The following PCDH19 variants were observed in gnomAD, a reference collection of about 807,000 sequenced individuals.
The protein encoded by PCDH19 is protocadherin 19, also known as protocadherin-19.
In PCDH19, 6 loss-of-function variants were observed where a neutral mutation model predicts 46.2. The ratio of observed to expected loss-of-function variants is 0.13; its 90% CI spans 0.07 to 0.26. The LOEUF is 0.26. PCDH19 is among the 10% of genes least tolerant of loss of function. PCDH19 has a pLI of 1.00. For synonymous variants in PCDH19, 481 were observed against 415.7 expected, an observed-to-expected ratio of 1.16 and a Z score of -1.91; for missense variants, 740 against 972.3, an observed-to-expected ratio of 0.76 and a Z score of 3.18.
intron 3 of PCDH19, among the ~76,000 whole-genome samples, chrX:100,369,826 A>T (rs1446058697): frequency 8.9e-6 from 1 of 112,232 alleles, no homozygotes; most frequent in Non-Finnish European, 1.9e-5. Context: ...ATCATTATCC[A>T]GATGTAGTCT....
chrX:100,303,316 A>C (rs1398059995), intron 5 of PCDH19, among the ~76,000 whole-genome samples: 2 of 110,944 alleles, frequency 1.8e-5, no homozygotes, highest in Non-Finnish European at 3.8e-5. Context: ...AAAGGAAGGA[A>C]GGAAAAAAGG....
At chrX:100,359,673 A>C (rs1425785574) in intron 3 of PCDH19, among the ~76,000 whole-genome samples, 1 of 111,890 alleles carries the variant, frequency 8.9e-6, no homozygotes, top group Non-Finnish European at 1.9e-5. Flanking sequence ...GGATCGCTTA[A>C]GGCCAGGAGT....
At chrX:100,381,200 A>T (rs950631070) in intron 3 of PCDH19, among the ~76,000 whole-genome samples, 1 of 112,209 alleles carries the variant, frequency 8.9e-6, no homozygotes, top group Non-Finnish European at 1.9e-5. Context: ...GTGACTAAAC[A>T]TGTAATATTA....
chrX:100,356,155 G>A (rs1167010377), intron 3 of PCDH19, among the ~76,000 whole-genome samples: 5 of 110,791 alleles, frequency 4.5e-5, no homozygotes, highest in Non-Finnish European at 7.5e-5. Flanking sequence ...GAAAATGAAC[G>A]AACTTTTAAG....
intron 3 of PCDH19, among the ~76,000 whole-genome samples, chrX:100,373,159 C>T (rs1274793647): frequency 8.9e-6 from 1 of 112,364 alleles, no homozygotes; most frequent in Non-Finnish European, 1.9e-5. Context: ...CAGGCGCGTG[C>T]CACCACGCCC....
chrX:100,407,245 C>A lies in PCDH19; in HGVS notation c.1353G>T (p.Pro451=), dbSNP rs373795773. The change falls in exon 1 of 6, where the codon CCG becomes CCT. Residue 451 remains proline, a synonymous_variant. Coordinates refer to ENST00000373034, the MANE Select transcript of PCDH19 (RefSeq NM_001184880.2). Reference sequence around the variant, plus strand: ...CCTGGTAGTAGGGCTTGGAAAAGTGCGGGTGGTTGTCATTTTCGTCAGTGA... The same window carrying A: ...CCTGGTAGTAGGGCTTGGAAAAGTGAGGGTGGTTGTCATTTTCGTCAGTGA... ...VLITDENDNH[P]HFSKPYYQVI... is the part of the protein sequence containing the mutation. The A allele has an allele frequency of 8.3e-7, 1 of 1,211,717 alleles. No individual in the cohort carries two copies. The highest frequency in any genetic ancestry group is 1.1e-6 in the Non-Finnish European group (1 of 895,532).
At chrX:100,310,045 C>T (rs1300293168) in intron 5 of PCDH19, among the ~76,000 whole-genome samples, 1 of 112,026 alleles carries the variant, frequency 8.9e-6, no homozygotes, top group Non-Finnish European at 1.9e-5. Flanking sequence ...ACTCCCAGTG[C>T]AACATGAAAA....
rs1928523265 is a variant in PCDH19, at chrX:100,409,436, C to T, written c.-839G>A. On this transcript the variant is annotated 5_prime_UTR_variant, in exon 1 of 6. Transcript: ENST00000373034. ...GATCCGAGGTGGGAGCGGAGTTCCC[C>T]CCACAGAGCAGTTGAGGGTCTGCGG... 1 of 113,918 alleles carries T rather than the reference C, an allele frequency of 8.8e-6. No homozygotes were observed. Among genetic ancestry groups the T allele is most frequent in the African/African-American group, 3.2e-5 (1 of 30,920 alleles). 9.4% of individuals were successfully genotyped at this position (113,918 alleles called of 1,213,427 possible). A position where few individuals can be genotyped will look rare whatever the true frequency, so the allele number is the denominator to read the frequency against.
chrX:100,337,414 C>A (rs1273285678), intron 5 of PCDH19, among the ~76,000 whole-genome samples: 1 of 112,311 alleles, frequency 8.9e-6, no homozygotes, highest in Non-Finnish European at 1.9e-5. Flanking sequence ...GTAGAAAGCA[C>A]AGGATAAAGA....
intron 5 of PCDH19, among the ~76,000 whole-genome samples, chrX:100,325,519 G>A (rs1039265021): frequency 8.2e-5 from 9 of 110,258 alleles, no homozygotes; most frequent in East Asian, 5.8e-4. Flanking sequence ...ACAGGCATGC[G>A]CCACCAATCC....
At chrX:100,303,922 C>T (rs766876920) in intron 5 of PCDH19, among the ~76,000 whole-genome samples, 2 of 112,500 alleles carry the variant, frequency 1.8e-5, no homozygotes, top group African/African-American at 6.4e-5. Context: ...GTGGTGTTAC[C>T]TGACAGATGC....
chrX:100,322,444 C>A (rs1440120945), intron 5 of PCDH19, among the ~76,000 whole-genome samples: 1 of 111,216 alleles, frequency 9.0e-6, no homozygotes, highest in Admixed American at 9.5e-5. Flanking sequence ...ATTTTTATAC[C>A]AGTACCATGA....
intron 4 of PCDH19, among the ~76,000 whole-genome samples, chrX:100,348,233 T>C (rs1003988989): frequency 9.0e-6 from 1 of 111,531 alleles, no homozygotes; most frequent in African/African-American, 3.3e-5. Flanking sequence ...TGCATGTAAA[T>C]GGATCTTCAA....
intron 3 of PCDH19, among the ~76,000 whole-genome samples, chrX:100,399,129 G>A (rs1390134787): frequency 8.9e-6 from 1 of 111,872 alleles, no homozygotes; most frequent in African/African-American, 3.2e-5. Context: ...ATGAACAAAT[G>A]AAAGAATGGT....
Position 100,408,532 on chromosome X carries a change from G to A in PCDH19, c.66C>T (p.Leu22=), listed in dbSNP as rs779084190. 4 of 1,198,468 alleles carry A rather than the reference G, an allele frequency of 3.3e-6. No individual in the cohort carries two copies. The Admixed American group carries it at 6.6e-5, about 20-fold the overall frequency. ...CTTCTACCGAGTACTTGAGATTAAT[G>A]AGGGCGGCAGCCTGCGTCCACAGTA... ...LAILWTQAAA[L]INLKYSVEEE... The change falls in exon 1 of 6, where the codon CTC becomes CTT. Residue 22 remains leucine (L), a synonymous_variant. Transcript: ENST00000373034.
At chrX:100,393,536 A>AC (rs59887213) in intron 3 of PCDH19, among the ~76,000 whole-genome samples, 67 of 91,265 alleles carry the variant, frequency 7.3e-4, no homozygotes, top group African/African-American at 2.2e-3. Context: ...ACACACACAC[A>AC]AACTCCCCTA....
chrX:100,335,336 C>T (rs1288208730), intron 5 of PCDH19, among the ~76,000 whole-genome samples: 1 of 111,406 alleles, frequency 9.0e-6, no homozygotes, highest in East Asian at 2.8e-4. Context: ...TGCCTCTAAA[C>T]CAGCAAGGTA....
intron 3 of PCDH19, among the ~76,000 whole-genome samples, chrX:100,362,397 A>G (rs1926914206): frequency 9.0e-6 from 1 of 110,517 alleles, no homozygotes; most frequent in African/African-American, 3.3e-5. Flanking sequence ...GTCTATATAT[A>G]CGTATATTAT....
chrX:100,348,083 A>AAAAAG (rs1555978428), intron 4 of PCDH19, among the ~76,000 whole-genome samples: 20 of 106,508 alleles, frequency 1.9e-4, no homozygotes, highest in African/African-American at 7.0e-4. Flanking sequence ...AAAAAAAAAA[A>AAAAAG]AAAGAAAGAA....
Sources: allele counts gnomAD v4.1 joint callset (sites outside exome capture counted in the v4.1 genomes callset), GRCh38; gene constraint gnomAD v4.1.1; transcripts MANE v1.5; gene names NCBI Gene and HGNC (gene_info 2026-07-23, HGNC 2026-07-21).